Variants in DENND5B observed in about 807,000 individuals in gnomAD.
DENND5B encodes the protein DENN domain containing 5B.
A neutral mutation model predicts 140.6 loss-of-function variants in DENND5B; 34 were observed. The ratio of observed to expected loss-of-function variants is 0.24; its 90% CI spans 0.18 to 0.32. The LOEUF is 0.32. Among genes scored for constraint, DENND5B ranks in the 10% least tolerant of loss-of-function variants. DENND5B has a pLI of 1.00. For missense variants in DENND5B, 1,142 were observed against 1,560.2 expected, an observed-to-expected ratio of 0.73 and a Z score of 4.52; for synonymous variants, 551 against 562.1, an observed-to-expected ratio of 0.98 and a Z score of 0.28.
chr12:31,560,388 T>A (rs188573277), intron 1 of DENND5B, among the ~76,000 whole-genome samples: 47 of 152,346 alleles, frequency 3.1e-4, no homozygotes, highest in Admixed American at 1.2e-3. Flanking sequence ...AACAAAATCC[T>A]ATTGTTTCAA....
At chr12:31,405,653 T>C (rs1235136524) in intron 14 of DENND5B, among the ~76,000 whole-genome samples, 3 of 151,806 alleles carry the variant, frequency 2.0e-5, no homozygotes, top group African/African-American at 4.8e-5. Flanking sequence ...GTTCAAGTGA[T>C]TCTCCTGCCT....
chr12:31,535,022 G>A (rs1444984691), intron 1 of DENND5B: 1 of 222,004 alleles, frequency 4.5e-6, no homozygotes, highest in South Asian at 5.1e-5. Flanking sequence ...TGCAGTGAGC[G>A]CAGATTGCAC....
intron 1 of DENND5B, among the ~76,000 whole-genome samples, chr12:31,580,746 C>T (rs1384676945): frequency 1.3e-5 from 2 of 151,944 alleles, no homozygotes; most frequent in Non-Finnish European, 2.9e-5. Context: ...CCACCCGTCT[C>T]GGCCACCCAA....
intron 11 of DENND5B, chr12:31,420,174 T>A: frequency 1.6e-6 from 1 of 610,322 alleles, no homozygotes; most frequent in Non-Finnish European, 2.0e-6. Flanking sequence ...TCACCCAAGC[T>A]AGAGTGCAGT....
At chr12:31,473,564 G>A (rs75067040) in intron 3 of DENND5B, among the ~76,000 whole-genome samples, 3,117 of 152,298 alleles carry the variant, frequency 0.02, 56 homozygotes, top group South Asian at 0.052. Context: ...TGTATGTGGA[G>A]TGTGGGCTAG....
chr12:31,485,542 T>C (rs188421746), intron 2 of DENND5B, among the ~76,000 whole-genome samples: 156 of 152,378 alleles, frequency 1.0e-3, no homozygotes, highest in African/African-American at 3.7e-3. Flanking sequence ...CAATTACTTT[T>C]GTACCAACCT....
intron 14 of DENND5B, among the ~76,000 whole-genome samples, chr12:31,408,306 C>T (rs1040190655): frequency 2.7e-5 from 4 of 149,532 alleles, no homozygotes; most frequent in African/African-American, 7.4e-5. Flanking sequence ...CTCAAAAAAA[C>T]CAAAAACAAT....
At position 31,590,781 on chromosome 12, in the gene DENND5B, C is replaced by T; in HGVS notation, c.52G>A (p.Ala18Thr). The T allele has an allele frequency of 2.9e-6, 4 of 1,377,606 alleles. No individual in the cohort carries two copies. Among genetic ancestry groups the T allele is most frequent in the Admixed American group, 2.9e-5 (1 of 34,238 alleles). The allele number at this position is 1,377,606 out of a possible 1,614,324, so 85.3% of individuals were successfully genotyped here. ...ACGAAGTAGTGCGCGAAGCGGCAGG[C>T]GGCCGGGGAGGAGCCCGAGCCCGGG... ...PGPGSGSSPA[A>T]CRFAHYFVLC... The change falls in exon 1 of 21, where the codon GCC becomes ACC. Residue 18 changes from alanine (A) to threonine (T), a missense_variant. This residue lies in a region of DENND5B where 708 missense variants were observed against 905.5 expected (regional missense o/e 0.78). Coordinates refer to ENST00000389082, the MANE Select transcript of DENND5B (RefSeq NM_144973.4).
At chr12:31,553,428 C>G (rs550643782) in intron 1 of DENND5B, among the ~76,000 whole-genome samples, 1 of 152,116 alleles carries the variant, frequency 6.6e-6, no homozygotes, top group Non-Finnish European at 1.5e-5. Flanking sequence ...GTCTGAGAGA[C>G]AGTTTGTTAT....
chr12:31,515,207 A>G (rs1280413434), intron 1 of DENND5B, among the ~76,000 whole-genome samples: 1 of 152,308 alleles, frequency 6.6e-6, no homozygotes, highest in Middle Eastern at 3.4e-3. Flanking sequence ...TGGGATGCTG[A>G]GGTGGAAGGA....
chr12:31,575,241 A>C (rs1949970187), intron 1 of DENND5B, among the ~76,000 whole-genome samples: 1 of 152,234 alleles, frequency 6.6e-6, no homozygotes, highest in Non-Finnish European at 1.5e-5. Flanking sequence ...CTGTGGTTCT[A>C]AAAGTAAATC....
intron 14 of DENND5B, among the ~76,000 whole-genome samples, chr12:31,408,425 G>A (rs1028035942): frequency 7.3e-5 from 11 of 151,714 alleles, no homozygotes; most frequent in Non-Finnish European, 1.2e-4. Context: ...TCAGGAGTTC[G>A]AGACCAGCCT....
chr12:31,387,898 T>C, intron 20 of DENND5B, 112 bp from the exon 21 acceptor site: 1 of 1,108,022 alleles, frequency 9.0e-7, no homozygotes, highest in Non-Finnish European at 1.3e-6. Flanking sequence ...GTACAAAATG[T>C]ATCCAAGCTA....
chr12:31,583,308 A>AAGAGAG (rs58081768), intron 1 of DENND5B, among the ~76,000 whole-genome samples: 2 of 145,468 alleles, frequency 1.4e-5, no homozygotes, highest in East Asian at 4.0e-4. Context: ...AAAAAAAAAA[A>AAGAGAG]AGAGAGAGAG....
At position 31,500,282 on chromosome 12, in the gene DENND5B, C is replaced by T. The variant is rs138004015; in HGVS notation, c.128-4363G>A. The T allele has an allele frequency of 9.5e-3, 3,936 of 415,398 alleles. 340 individuals are homozygous for T. In the Admixed American group the frequency reaches 0.12, roughly 12 times the overall value. 25.7% of individuals were successfully genotyped at this position (415,398 alleles called of 1,614,324 possible). A position where few individuals can be genotyped will look rare whatever the true frequency, so the allele number is the denominator to read the frequency against. On this transcript the variant is annotated intron_variant, in intron 1 of 20. Transcript: ENST00000389082. The stretch of plus-strand genomic sequence containing the variant: ...CCTAATTAGAAAATTAGAATACTGG[C>T]CTCAAAAAGTTTCAAATTTTGGAGT...
intron 2 of DENND5B, among the ~76,000 whole-genome samples, chr12:31,489,161 A>G (rs1472391518): frequency 6.6e-6 from 1 of 151,848 alleles, no homozygotes; most frequent in Non-Finnish European, 1.5e-5. Context: ...AATACGTTAT[A>G]CCATATAACT....
At chr12:31,549,923 C>T (rs376740074) in intron 1 of DENND5B, among the ~76,000 whole-genome samples, 3 of 152,052 alleles carry the variant, frequency 2.0e-5, no homozygotes, top group Admixed American at 2.0e-4. Context: ...AATGAACATA[C>T]GCATGCATGC....
intron 1 of DENND5B, among the ~76,000 whole-genome samples, chr12:31,550,478 G>C (rs1949012790): frequency 6.6e-6 from 1 of 151,884 alleles, no homozygotes; most frequent in Non-Finnish European, 1.5e-5. Context: ...TGGACATTTA[G>C]GTTGGTTCCA....
At chr12:31,569,192 G>A (rs571990238) in intron 1 of DENND5B, among the ~76,000 whole-genome samples, 62 of 148,496 alleles carry the variant, frequency 4.2e-4, no homozygotes, top group Non-Finnish European at 7.8e-4. Context: ...TCAGCCTACC[G>A]AGTAGCTGGG....
Sources: allele counts gnomAD v4.1 joint callset (sites outside exome capture counted in the v4.1 genomes callset), GRCh38; gene constraint gnomAD v4.1.1; regional missense constraint gnomAD v4.1.1; transcripts MANE v1.5; gene names NCBI Gene and HGNC (gene_info 2026-07-23, HGNC 2026-07-21).